The following PDE8B variants were observed in gnomAD, a reference collection of about 807,000 sequenced individuals.
PDE8B encodes high affinity cAMP-specific and IBMX-insensitive 3',5'-cyclic phosphodiesterase 8B.
Under a neutral mutation model 101.3 loss-of-function variants are expected in PDE8B, and 26 were observed. The observed-to-expected ratio is 0.26, with a 90% CI of 0.19 to 0.36. The LOEUF (loss-of-function observed/expected upper bound fraction) is 0.36. Among genes scored for constraint, PDE8B ranks in the 10% least tolerant of loss-of-function variants. The probability of loss-of-function intolerance (pLI) is 1.00; values close to 1 mark genes in which losing one functional copy is unlikely to be tolerated. For synonymous variants in PDE8B, 424 were observed against 429.3 expected, an observed-to-expected ratio of 0.99 and a Z score of 0.15; for missense variants, 810 against 1,163.1, an observed-to-expected ratio of 0.70 and a Z score of 4.42.
upstream of PDE8B, among the ~76,000 whole-genome samples, chr5:77,209,637 C>T (rs1747839809): frequency 1.3e-5 from 2 of 152,160 alleles, no homozygotes; most frequent in African/African-American, 4.8e-5. Context: ...TTCTTCCTCT[C>T]CTCCAGCACA....
intron 20 of PDE8B, among the ~76,000 whole-genome samples, chr5:77,425,014 T>G (rs1797707535): frequency 6.6e-6 from 1 of 152,090 alleles, no homozygotes; most frequent in Non-Finnish European, 1.5e-5. Flanking sequence ...AGTGCAAACA[T>G]GTGGCAGCAA....
chr5:77,427,764 T>G lies in PDE8B; in HGVS notation c.*1210T>G, dbSNP rs1310673682. The G allele has an allele frequency of 2.6e-5, 4 of 152,204 alleles. No homozygotes were observed. The highest frequency in any genetic ancestry group is 6.5e-5 in the Admixed American group (1 of 15,274). The allele number at this position is 152,204 out of a possible 1,614,324, so 9.4% of individuals were successfully genotyped here. The stretch of plus-strand genomic sequence containing the variant: ...ATCTACATAAAGTCAGACTCGAGAT[T>G]TTCCTTTCTCTTTTACCAGCTGATC... On this transcript the variant is annotated 3_prime_UTR_variant, in exon 22 of 22. Coordinates refer to ENST00000264917, the MANE Select transcript of PDE8B (RefSeq NM_003719.5).
intron 10 of PDE8B, among the ~76,000 whole-genome samples, chr5:77,386,167 T>G (rs886869413): frequency 6.6e-6 from 1 of 152,320 alleles, no homozygotes; most frequent in Admixed American, 6.5e-5. Flanking sequence ...TCCATTCTTT[T>G]GCATTTGCTG....
chr5:77,424,811 G>GTT (rs1004087096), intron 20 of PDE8B, among the ~76,000 whole-genome samples: 36 of 111,292 alleles, frequency 3.2e-4, no homozygotes, highest in Middle Eastern at 4.5e-3. Flanking sequence ...AACTGGTTCT[G>GTT]TTTTTTTGTT....
intron 1 of PDE8B, among the ~76,000 whole-genome samples, chr5:77,296,391 A>G (rs1768575859): frequency 6.6e-6 from 1 of 152,052 alleles, no homozygotes; most frequent in Non-Finnish European, 1.5e-5. Context: ...CCTCCTGAGT[A>G]GCTGGGACTA....
chr5:77,252,555 C>T (rs1238134604), intron 1 of PDE8B, among the ~76,000 whole-genome samples: 2 of 152,100 alleles, frequency 1.3e-5, no homozygotes, highest in Admixed American at 6.5e-5. Context: ...GTGGAAGTTC[C>T]CCATTCTGAC....
At chr5:77,202,636 A>ATT in the PDE8B span, among the ~76,000 whole-genome samples, 23,081 of 145,954 alleles carry the variant, frequency 0.16, 2,013 homozygotes, top group East Asian at 0.38. Context: ...GTTATTAGTA[A>ATT]TTTTTTTTTT....
the PDE8B span, among the ~76,000 whole-genome samples, chr5:77,133,018 A>T: frequency 6.6e-6 from 1 of 152,224 alleles, no homozygotes; most frequent in Non-Finnish European, 1.5e-5. Context: ...AATCCTTTGT[A>T]TCTGATGACT....
chr5:77,310,098 C>T (rs189233046), intron 1 of PDE8B, among the ~76,000 whole-genome samples: 26 of 151,428 alleles, frequency 1.7e-4, no homozygotes, highest in African/African-American at 7.3e-5. Context: ...TACAGGCGCC[C>T]GCCACCATGC....
chr5:77,092,144 TAAC>T, the PDE8B span, among the ~76,000 whole-genome samples: 1 of 152,230 alleles, frequency 6.6e-6, no homozygotes, highest in Non-Finnish European at 1.5e-5. Context: ...TTTATTATCT[TAAC>T]AAGATGTATT....
chr5:77,338,352 G>A (rs1019707703), intron 6 of PDE8B, among the ~76,000 whole-genome samples: 4 of 152,214 alleles, frequency 2.6e-5, no homozygotes, highest in Non-Finnish European at 4.4e-5. Context: ...GTGCACCCTG[G>A]TCAGGGAAGT....
intron 1 of PDE8B, among the ~76,000 whole-genome samples, chr5:77,233,643 C>T (rs1754041890): frequency 6.9e-6 from 1 of 145,836 alleles, no homozygotes; most frequent in Admixed American, 6.9e-5. Context: ...AGCCCCCAAC[C>T]CCCTGAAGCT....
intron 1 of PDE8B, among the ~76,000 whole-genome samples, chr5:77,303,568 C>G (rs1312000185): frequency 1.2e-5 from 1 of 85,042 alleles, no homozygotes; most frequent in Non-Finnish European, 2.2e-5. Context: ...GACTCCATCT[C>G]AAAATAAATA....
chr5:77,155,607 G>C, the PDE8B span, among the ~76,000 whole-genome samples: 12 of 152,312 alleles, frequency 7.9e-5, no homozygotes, highest in African/African-American at 2.9e-4. Flanking sequence ...GTATGAATTC[G>C]TGTGAAGCGG....
chr5:77,254,241 C>CCGCATA (rs1259623687), intron 1 of PDE8B, among the ~76,000 whole-genome samples: 1 of 152,102 alleles, frequency 6.6e-6, no homozygotes, highest in South Asian at 2.1e-4. Flanking sequence ...TGAGAGGTGT[C>CCGCATA]TGAGACATCG....
At chr5:77,110,475 T>C in the PDE8B span, among the ~76,000 whole-genome samples, 1 of 152,140 alleles carries the variant, frequency 6.6e-6, no homozygotes, top group Non-Finnish European at 1.5e-5. Flanking sequence ...TCTGAATAGA[T>C]TTGCACTGGA....
chr5:77,188,720 C>T, the PDE8B span, among the ~76,000 whole-genome samples: 5 of 152,316 alleles, frequency 3.3e-5, no homozygotes, highest in East Asian at 9.6e-4. Context: ...TATTTCAACC[C>T]TGTGCATCAC....
At chr5:77,200,125 C>T in the PDE8B span, among the ~76,000 whole-genome samples, 13 of 151,042 alleles carry the variant, frequency 8.6e-5, no homozygotes, top group Admixed American at 2.0e-4. Context: ...TGGGAAAAGA[C>T]GAATAAGACA....
intron 1 of PDE8B, among the ~76,000 whole-genome samples, chr5:77,248,463 C>G (rs1456832224): frequency 1.3e-5 from 2 of 149,312 alleles, no homozygotes; most frequent in African/African-American, 4.9e-5. Flanking sequence ...TTGTTGTTGT[C>G]TAATGAGCTT....
Sources: allele counts gnomAD v4.1 joint callset (sites outside exome capture counted in the v4.1 genomes callset), GRCh38; gene constraint gnomAD v4.1.1; transcripts MANE v1.5; gene names NCBI Gene and HGNC (gene_info 2026-07-23, HGNC 2026-07-21).